The following CCDC102B variants were observed in gnomAD, a reference collection of about 807,000 sequenced individuals.
CCDC102B encodes the protein coiled-coil domain-containing protein 102B.
Under a neutral mutation model 57.4 loss-of-function variants are expected in CCDC102B, and 75 were observed. The observed-to-expected ratio is 1.31, with a 90% CI of 1.08 to 1.58. The LOEUF (loss-of-function observed/expected upper bound fraction) is 1.58, where lower values mean the gene tolerates loss of function less well. Ranked by LOEUF, CCDC102B falls within the 40% of genes most tolerant of loss-of-function variation. CCDC102B has a pLI of 0.00. For synonymous variants in CCDC102B, 206 were observed against 201.9 expected (o/e 1.02, Z -0.17); for missense variants, 636 against 582.6 (o/e 1.09, Z -0.94).
At position 68,812,106 on chromosome 18, in the gene CCDC102B, C is replaced by T. The variant is rs556020590; in HGVS notation, c.-16+13925C>T. On this transcript the variant is annotated intron_variant, in intron 1 of 7. Transcript: ENST00000360242. ...GCCTAATCTTTTCTTGTTAAACGTT[C>T]TATTGTTGAAATAAAAACCTTGCTA... Among the ~76,000 whole-genome samples the T allele has an allele frequency of 4.6e-5, 7 of 152,156 alleles. No homozygotes were observed. In the East Asian group the frequency reaches 1.4e-3, roughly 29 times the overall value.
chr18:68,758,130 A>T (rs988190680), intron 2 of CCDC102B, among the ~76,000 whole-genome samples: 10 of 152,140 alleles, frequency 6.6e-5, no homozygotes, highest in African/African-American at 2.4e-4. Context: ...TTTAAGGTAT[A>T]CAAAATTGAT....
chr18:68,964,383 T>A (rs1206989491), intron 6 of CCDC102B, among the ~76,000 whole-genome samples: 1 of 148,258 alleles, frequency 6.7e-6, no homozygotes, highest in Non-Finnish European at 1.5e-5. Flanking sequence ...AGATGAATAA[T>A]AACATCTAAA....
At chr18:68,891,727 A>G (rs1462074813) in intron 5 of CCDC102B, among the ~76,000 whole-genome samples, 2 of 152,114 alleles carry the variant, frequency 1.3e-5, no homozygotes, top group African/African-American at 4.8e-5. Context: ...CTCTGTGCTC[A>G]CTTGGAGAGA....
At chr18:68,807,834 A>G (rs1599490303) in intron 1 of CCDC102B, among the ~76,000 whole-genome samples, 2 of 152,098 alleles carry the variant, frequency 1.3e-5, no homozygotes, top group African/African-American at 4.8e-5. Context: ...ACCTTCTCCT[A>G]TGTCAAAGGA....
chr18:68,892,958 C>CA (rs1349554409), intron 5 of CCDC102B, among the ~76,000 whole-genome samples: 4 of 152,150 alleles, frequency 2.6e-5, no homozygotes, highest in African/African-American at 9.7e-5. Context: ...ATTTGCAAAT[C>CA]AATTACTGGA....
intron 1 of CCDC102B, among the ~76,000 whole-genome samples, chr18:68,806,734 AC>A (rs141844443): frequency 0.016 from 2,382 of 152,266 alleles, 53 homozygotes; most frequent in African/African-American, 0.054. Context: ...TAAAAAATGA[AC>A]ATGTGAAATT....
chr18:68,919,432 C>A (rs888386692), intron 6 of CCDC102B, among the ~76,000 whole-genome samples: 1 of 152,110 alleles, frequency 6.6e-6, no homozygotes, highest in East Asian at 1.9e-4. Context: ...AACTAAAAAA[C>A]ATTGGTTTCC....
At chr18:68,902,110 C>T (rs573262143) in intron 6 of CCDC102B, 1 of 152,286 alleles carries the variant, frequency 6.6e-6, no homozygotes, top group South Asian at 2.1e-4. Flanking sequence ...TGCATCGAAT[C>T]ACTCACTTGC....
downstream of CCDC102B, among the ~76,000 whole-genome samples, chr18:69,056,636 A>AATAGATAGATAGATGC (rs1555678888): frequency 4.9e-5 from 6 of 121,918 alleles, no homozygotes; most frequent in Non-Finnish European, 1.1e-4. Context: ...ATAGATAGAT[A>AATAGATAGATAGATGC]ATAGATAGAT....
chr18:68,863,312 TC>T (rs2038840629), intron 4 of CCDC102B, among the ~76,000 whole-genome samples: 1 of 152,092 alleles, frequency 6.6e-6, no homozygotes, highest in Admixed American at 6.6e-5. Flanking sequence ...GCTATTTTAC[TC>T]TATCCTCTGT....
At chr18:68,959,224 G>T (rs571427629) in intron 6 of CCDC102B, among the ~76,000 whole-genome samples, 3 of 152,154 alleles carry the variant, frequency 2.0e-5, no homozygotes, top group Non-Finnish European at 4.4e-5. Context: ...GCTTTAGGGG[G>T]TATCCCAAAT....
chr18:68,928,195 T>G (rs1182890786), intron 6 of CCDC102B, among the ~76,000 whole-genome samples: 1 of 152,068 alleles, frequency 6.6e-6, no homozygotes, highest in East Asian at 1.9e-4. Flanking sequence ...TCAACACATT[T>G]CAGTTATTAA....
chr18:69,022,215 ATATATAT>A (rs879714071), intron 7 of CCDC102B, among the ~76,000 whole-genome samples: 4,005 of 48,514 alleles, frequency 0.083, 121 homozygotes, highest in East Asian at 0.24. Context: ...ATATATATAT[ATATATAT>A]AACACACACA....
Position 68,836,781 on chromosome 18 carries a change from A to G in CCDC102B, c.18A>G (p.Ile6Met), listed in dbSNP as rs868510085. The change falls in exon 2 of 8, where the codon ATA becomes ATG. Residue 6 changes from isoleucine to methionine, a missense_variant. Physicochemically the swap from Ile to Met is conservative, Grantham distance 10 (BLOSUM62 1). Transcript: ENST00000360242. The part of the protein sequence containing the change: MNLDS[I>M]HRLIEETQIF... ...AAATAAATATGAATTTAGATTCCAT[A>G]CATCGATTAATTGAGGAAACACAGA... The G allele has an allele frequency of 6.2e-7, 1 of 1,613,202 alleles. No homozygotes were observed.
At chr18:68,998,985 TATATATATATATATAG>T (rs1288018066) in intron 6 of CCDC102B, among the ~76,000 whole-genome samples, 156 of 75,656 alleles carry the variant, frequency 2.1e-3, no homozygotes, top group South Asian at 4.9e-3. Context: ...TATATATATA[TATATATATATATATAG>T]AGAGAGAGAG....
intron 6 of CCDC102B, among the ~76,000 whole-genome samples, chr18:68,959,917 C>T (rs895108351): frequency 6.6e-6 from 1 of 152,084 alleles, no homozygotes; most frequent in Non-Finnish European, 1.5e-5. Flanking sequence ...AGGACTGGTT[C>T]AGCAATGCTG....
chr18:68,897,649 T>C, intron 6 of CCDC102B: 1 of 1,467,374 alleles, frequency 6.8e-7, no homozygotes, highest in Non-Finnish European at 9.1e-7. Flanking sequence ...CTTCAGACAG[T>C]TTCAAGATTT....
At chr18:68,954,809 C>T (rs1482123501) in intron 6 of CCDC102B, among the ~76,000 whole-genome samples, 4 of 152,156 alleles carry the variant, frequency 2.6e-5, no homozygotes, top group Non-Finnish European at 5.9e-5. Flanking sequence ...AATGCCTGAA[C>T]TCTAATTGCA....
chr18:68,952,262 A>G (rs1468434062), intron 6 of CCDC102B, among the ~76,000 whole-genome samples: 2 of 151,990 alleles, frequency 1.3e-5, no homozygotes, highest in African/African-American at 4.8e-5. Flanking sequence ...CAAATTGTAT[A>G]CCCCTCTTCA....
Sources: allele counts gnomAD v4.1 joint callset (sites outside exome capture counted in the v4.1 genomes callset), GRCh38; gene constraint gnomAD v4.1.1; transcripts MANE v1.5; gene names NCBI Gene and HGNC (gene_info 2026-07-23, HGNC 2026-07-21).